Variants in LASP1 observed in about 807,000 individuals in gnomAD.
LASP1 encodes the protein LIM and SH3 domain protein 1.
Under a neutral mutation model 38.6 loss-of-function variants are expected in LASP1, and 10 were observed. The ratio of observed to expected loss-of-function variants is 0.26; its 90% CI spans 0.16 to 0.44. The LOEUF is 0.44. Ranked by LOEUF, LASP1 falls within the 20% of genes least tolerant of loss-of-function variation. The probability of loss-of-function intolerance (pLI) is 1.00; values close to 1 mark genes in which losing one functional copy is unlikely to be tolerated. For synonymous variants in LASP1, 132 were observed against 140.8 expected, an observed-to-expected ratio of 0.94 and a Z score of 0.44; for missense variants, 243 against 375.7, an observed-to-expected ratio of 0.65 and a Z score of 2.92.
chr17:38,902,117 G>A (rs1057134839), intron 4 of LASP1, among the ~76,000 whole-genome samples: 2 of 151,956 alleles, frequency 1.3e-5, no homozygotes, highest in Non-Finnish European at 2.9e-5. Flanking sequence ...GCTGGAGTGC[G>A]GTGGTGTGTT....
chr17:38,900,169 C>G (rs1308588162), intron 4 of LASP1, among the ~76,000 whole-genome samples: 2 of 137,112 alleles, frequency 1.5e-5, no homozygotes, highest in Non-Finnish European at 3.1e-5. Flanking sequence ...TTGAGACTAG[C>G]CTGGGCAACA....
At chr17:38,874,100 A>T (rs1913688134) in intron 1 of LASP1, 1 of 152,448 alleles carries the variant, frequency 6.6e-6, no homozygotes, top group African/African-American at 2.4e-5. Context: ...AGAGGCCTCT[A>T]ACAGGCAGCA....
In LASP1 at chr17:38,874,840, C is replaced by T. The variant is rs1327505426; in HGVS notation, c.70-3246C>T. On this transcript the variant is annotated intron_variant, in intron 1 of 6. Transcript: ENST00000318008. The stretch of plus-strand genomic sequence containing the variant: ...CCTAGAAGAGGGGCTCTGCTTCCTC[C>T]GCGTGGCAGCCTGGAGGGGTCTTTG... Among the ~76,000 whole-genome samples the T allele has an allele frequency of 3.9e-5, 6 of 152,194 alleles. No individual in the cohort carries two copies. The East Asian group carries it at 5.8e-4, about 15-fold the overall frequency.
intron 1 of LASP1, among the ~76,000 whole-genome samples, chr17:38,875,008 A>G (rs1202009177): frequency 6.6e-6 from 1 of 151,318 alleles, no homozygotes; most frequent in Non-Finnish European, 1.5e-5. Flanking sequence ...AACGTCAATC[A>G]GGAGGCAGCC....
chr17:38,879,844 C>T (rs998622454), intron 2 of LASP1, among the ~76,000 whole-genome samples: 25 of 152,118 alleles, frequency 1.6e-4, no homozygotes, highest in African/African-American at 5.8e-4. Flanking sequence ...AAACAGATTC[C>T]TGATAAAAAT....
chr17:38,910,917 T>A (rs1914921709), intron 4 of LASP1, among the ~76,000 whole-genome samples: 1 of 151,968 alleles, frequency 6.6e-6, no homozygotes, highest in Non-Finnish European at 1.5e-5. Context: ...GAGACGGCAT[T>A]TCACCATGTT....
At chr17:38,910,221 A>C (rs983187083) in intron 4 of LASP1, among the ~76,000 whole-genome samples, 2 of 152,216 alleles carry the variant, frequency 1.3e-5, no homozygotes, top group African/African-American at 4.8e-5. Flanking sequence ...AACAAGGGTC[A>C]CTAAGTTTTT....
At chr17:38,885,058 T>A (rs1598107496) in intron 2 of LASP1, among the ~76,000 whole-genome samples, 1 of 152,284 alleles carries the variant, frequency 6.6e-6, no homozygotes, top group East Asian at 1.9e-4. Context: ...ATATCTCTCA[T>A]AATGGCCGAG....
intron 2 of LASP1, among the ~76,000 whole-genome samples, chr17:38,885,571 G>A (rs540453387): frequency 3.9e-5 from 6 of 152,308 alleles, no homozygotes; most frequent in African/African-American, 7.2e-5. Flanking sequence ...TGATTAACAA[G>A]GGGCCAGTAC....
At position 38,896,913 on chromosome 17, in the gene LASP1, G is replaced by A. The variant is rs117454072; in HGVS notation, c.250-1499G>A. ...CAACTCTTTTACAGATGAAGAAACC[G>A]AGGCCAGGGGCTTGAGATGCAGGGC... is the stretch of plus-strand genomic sequence containing the variant. On this transcript the variant is annotated intron_variant, in intron 3 of 6. Transcript: ENST00000318008. 9.1e-3 allele frequency: 9,006 copies of A among 985,292 alleles called. 39 individuals are homozygous for A. The highest frequency in any genetic ancestry group is 0.01 in the Non-Finnish European group (8,427 of 829,826). 61.0% of individuals were successfully genotyped at this position (985,292 alleles called of 1,614,324 possible). A position where few individuals can be genotyped will look rare whatever the true frequency, so the allele number is the denominator to read the frequency against.
chr17:38,883,588 C>G (rs1914012892), intron 2 of LASP1, among the ~76,000 whole-genome samples: 1 of 152,210 alleles, frequency 6.6e-6, no homozygotes, highest in African/African-American at 2.4e-5. Flanking sequence ...CTCACTTACC[C>G]CCAAATCCCT....
chr17:38,901,968 C>T (rs1330500194), intron 4 of LASP1, among the ~76,000 whole-genome samples: 1 of 152,018 alleles, frequency 6.6e-6, no homozygotes, highest in South Asian at 2.1e-4. Context: ...GGGGTTTCGC[C>T]GTGTTAGCCA....
intron 4 of LASP1, 138 bp downstream of exon 4, chr17:38,898,657 G>T: frequency 1.4e-6 from 1 of 708,050 alleles, no homozygotes; most frequent in Non-Finnish European, 2.5e-6. Context: ...GTGGGCCTGG[G>T]GAAGAGCTTG....
At chr17:38,897,204 G>A (rs1914513771) in intron 3 of LASP1, 1 of 489,094 alleles carries the variant, frequency 2.0e-6, no homozygotes, top group Non-Finnish European at 2.7e-6. Context: ...ACATGGATGA[G>A]TGACTGGGGG....
intron 3 of LASP1, among the ~76,000 whole-genome samples, chr17:38,896,311 C>T (rs1460142849): frequency 1.3e-5 from 2 of 152,182 alleles, no homozygotes; most frequent in African/African-American, 2.4e-5. Context: ...ATCAGCTAGC[C>T]AGCTCCCTTC....
At chr17:38,882,728 G>A (rs1330825112) in intron 2 of LASP1, among the ~76,000 whole-genome samples, 6 of 152,204 alleles carry the variant, frequency 3.9e-5, no homozygotes, top group African/African-American at 1.4e-4. Flanking sequence ...CCTGCAGATA[G>A]TCTAGAGTAC....
At chr17:38,909,758 C>T (rs943020480) in intron 4 of LASP1, among the ~76,000 whole-genome samples, 2 of 148,382 alleles carry the variant, frequency 1.3e-5, no homozygotes, top group African/African-American at 5.1e-5. Flanking sequence ...TTCATTCATT[C>T]ATTTGTTTTG....
At chr17:38,891,053 G>C (rs1914305040) in intron 3 of LASP1, among the ~76,000 whole-genome samples, 2 of 152,138 alleles carry the variant, frequency 1.3e-5, no homozygotes, top group African/African-American at 4.8e-5. Context: ...TAGGAGGGGA[G>C]GACGGGTTCC....
chr17:38,892,520 A>G (rs1027567639), intron 3 of LASP1, among the ~76,000 whole-genome samples: 2 of 151,736 alleles, frequency 1.3e-5, no homozygotes, highest in Non-Finnish European at 2.9e-5. Context: ...CTCGGAGAAG[A>G]GGTGCTGGGA....
Sources: gnomAD v4.1 joint callset for allele counts (sites outside exome capture counted in the v4.1 genomes callset) on GRCh38, gnomAD v4.1.1 for gene constraint, MANE v1.5 for transcripts, NCBI Gene and HGNC (gene_info 2026-07-23, HGNC 2026-07-21) for gene names.